GALK2: variants seen among roughly 807,000 people sequenced by gnomAD.
The protein encoded by GALK2 is galactokinase 2, also known as N-acetylgalactosamine kinase.
Under a neutral mutation model 52.4 loss-of-function variants are expected in GALK2, and 36 were observed. The observed-to-expected ratio is 0.69, with a 90% CI of 0.53 to 0.91. GALK2 has a LOEUF of 0.91. Among genes scored for constraint, GALK2 ranks in the 40% least tolerant of loss-of-function variants. The pLI, the probability that GALK2 is intolerant of heterozygous loss-of-function variation, is 0.00. For missense variants in GALK2, 579 were observed against 559.1 expected (o/e 1.04, Z -0.36); for synonymous variants, 176 against 199.1 (o/e 0.88, Z 0.98).
Position 49,366,323 on chromosome 15 carries a change from A to T in GALK2, c.427-1168A>T, listed in dbSNP as rs921820375. Reference sequence around the variant, plus strand: ...TTCAGATCTGTTACCTGAGGTAGGAAATAGGATACTGTTATTGACAACCAA... The same window carrying T: ...TTCAGATCTGTTACCTGAGGTAGGATATAGGATACTGTTATTGACAACCAA... On this transcript the variant is annotated intron_variant, in intron 3 of 3. Coordinates refer to the GALK2 transcript ENST00000558399. 32 of 786,764 alleles carry T rather than the reference A, an allele frequency of 4.1e-5. No individual in the cohort carries two copies. In the Admixed American group the frequency reaches 5.4e-4, roughly 13 times the overall value. The allele number at this position is 786,764 out of a possible 1,614,324, so 48.7% of individuals were successfully genotyped here. A position where few individuals can be genotyped will look rare whatever the true frequency, so the allele number is the denominator to read the frequency against.
intron 1 of GALK2, among the ~76,000 whole-genome samples, chr15:49,180,478 A>C (rs1234333083): frequency 6.6e-6 from 1 of 152,190 alleles, no homozygotes; most frequent in Non-Finnish European, 1.5e-5. Flanking sequence ...TAGATATATT[A>C]CAATGAACTG....
chr15:49,315,854 C>G (rs1180730836), intron 8 of GALK2, among the ~76,000 whole-genome samples: 3 of 152,142 alleles, frequency 2.0e-5, no homozygotes, highest in African/African-American at 7.2e-5. Flanking sequence ...ACTGTGAATG[C>G]TTTTTGTCAA....
At chr15:49,222,704 G>T (rs1386153127) in intron 3 of GALK2, among the ~76,000 whole-genome samples, 1 of 152,148 alleles carries the variant, frequency 6.6e-6, no homozygotes, top group Non-Finnish European at 1.5e-5. Flanking sequence ...TTAGTGATTT[G>T]TGTTTCTTGA....
chr15:49,173,753 C>A (rs1485928032), intron 1 of GALK2, among the ~76,000 whole-genome samples: 1 of 151,612 alleles, frequency 6.6e-6, no homozygotes. Flanking sequence ...TTACTTATTT[C>A]ATTTTATTTT....
At chr15:49,162,304 T>C (rs2084680056) in intron 1 of GALK2, among the ~76,000 whole-genome samples, 1 of 152,264 alleles carries the variant, frequency 6.6e-6, no homozygotes, top group African/African-American at 2.4e-5. Flanking sequence ...GTCCAGGTTG[T>C]TGCATGTATC....
chr15:49,283,056 C>T (rs779851151), intron 6 of GALK2, among the ~76,000 whole-genome samples: 9 of 152,164 alleles, frequency 5.9e-5, no homozygotes, highest in Non-Finnish European at 1.0e-4. Flanking sequence ...AAACTGTAAG[C>T]TCTAACCAAA....
At chr15:49,202,826 G>A (rs1221647473) in intron 2 of GALK2, among the ~76,000 whole-genome samples, 1 of 152,062 alleles carries the variant, frequency 6.6e-6, no homozygotes, top group East Asian at 1.9e-4. Context: ...CAACAGTGTA[G>A]AAGAATTCTT....
In GALK2 at chr15:49,178,192, A is replaced by C. The variant is rs1397497457; in HGVS notation, c.53+7817A>C. ...CAAAAAAAAAAAAAAAAAAAAAGAA[A>C]TACTATATATATATATATATATATA... On this transcript the variant is annotated intron_variant, in intron 1 of 9. Transcript: ENST00000560031. Among the ~76,000 whole-genome samples the C allele has an allele frequency of 1.1e-4, 6 of 56,390 alleles. No homozygotes were observed. The East Asian group carries it at 3.5e-3, about 33-fold the overall frequency. 37.0% of individuals were successfully genotyped at this position (56,390 alleles called of 152,430 possible).
chr15:49,261,881 T>C (rs999572305), intron 5 of GALK2, among the ~76,000 whole-genome samples: 154 of 152,200 alleles, frequency 1.0e-3, no homozygotes, highest in Admixed American at 1.6e-3. Flanking sequence ...TATTGATTTG[T>C]GTATATTGAA....
intron 1 of GALK2, 92 bp from the exon 2 acceptor site, chr15:49,201,070 G>GTA: frequency 1.5e-6 from 1 of 649,936 alleles, no homozygotes; most frequent in South Asian, 1.8e-5. Flanking sequence ...GTGTGTGTGT[G>GTA]TGTGTGTGTG....
At chr15:49,367,531 A>T (rs756585144) in exon 4 of GALK2, 2 of 1,608,040 alleles carry the variant, frequency 1.2e-6, no homozygotes, top group Non-Finnish European at 1.7e-6. Context: ...TCTTAAGATA[A>T]TATAAAATCA....
At chr15:49,169,021 A>T (rs542729066), upstream of GALK2, 7 of 153,398 alleles carry the variant, frequency 4.6e-5, no homozygotes, top group Admixed American at 4.6e-4. Flanking sequence ...TAATAACCCA[A>T]CGGGGTGCCA....
At chr15:49,156,536 T>C (rs2084458497) in intron 1 of GALK2, 1 of 513,170 alleles carries the variant, frequency 1.9e-6, no homozygotes. Context: ...GTGTGTTGAT[T>C]CCAAAGATCC....
intron 3 of GALK2, among the ~76,000 whole-genome samples, chr15:49,348,782 G>A (rs957469821): frequency 6.6e-6 from 1 of 152,064 alleles, no homozygotes; most frequent in African/African-American, 2.4e-5. Context: ...TGATTTTATT[G>A]ACCAACAATA....
At chr15:49,206,040 A>T (rs1051443615) in intron 2 of GALK2, among the ~76,000 whole-genome samples, 1 of 151,908 alleles carries the variant, frequency 6.6e-6, no homozygotes, top group South Asian at 2.1e-4. Flanking sequence ...TCAGTTGGCT[A>T]TAAGTATTTG....
chr15:49,217,465 T>G, intron 3 of GALK2, 152 bp downstream of exon 3: 1 of 723,722 alleles, frequency 1.4e-6, no homozygotes, highest in South Asian at 2.3e-5. Context: ...TTATTTATTG[T>G]TCATTTTGTT....
intron 1 of GALK2, among the ~76,000 whole-genome samples, chr15:49,173,375 A>G (rs1307678707): frequency 6.6e-6 from 1 of 152,214 alleles, no homozygotes; most frequent in Non-Finnish European, 1.5e-5. Context: ...CTGCTGTATG[A>G]ACACATTCTT....
intron 5 of GALK2, among the ~76,000 whole-genome samples, chr15:49,265,245 G>T (rs950937262): frequency 1.3e-5 from 2 of 152,330 alleles, no homozygotes; most frequent in African/African-American, 4.8e-5. Context: ...GTTCCTGGCT[G>T]CTTTATTTAC....
chr15:49,195,170 G>A (rs992275706), intron 1 of GALK2: 2 of 440,982 alleles, frequency 4.5e-6, no homozygotes, highest in Admixed American at 2.4e-5. Context: ...CTCCTGGGTT[G>A]AAGTGATTCT....
Sources: gnomAD v4.1 joint callset for allele counts (sites outside exome capture counted in the v4.1 genomes callset) on GRCh38, gnomAD v4.1.1 for gene constraint, MANE v1.5 for transcripts, NCBI Gene and HGNC (gene_info 2026-07-23, HGNC 2026-07-21) for gene names.